RAI14: variants seen among roughly 807,000 people sequenced by gnomAD.
RAI14 encodes retinoic acid induced 14.
Under a neutral mutation model 115.4 loss-of-function variants are expected in RAI14, and 45 were observed. That is an observed-to-expected ratio of 0.39 (90% CI 0.31 to 0.50). The LOEUF (loss-of-function observed/expected upper bound fraction) is 0.50, where lower values mean the gene tolerates loss of function less well. Ranked by LOEUF, RAI14 falls within the 20% of genes least tolerant of loss-of-function variation. The probability of loss-of-function intolerance (pLI) is 0.85; values close to 1 mark genes in which losing one functional copy is unlikely to be tolerated. For synonymous variants in RAI14, 371 were observed against 415.4 expected (o/e 0.89, Z 1.30); for missense variants, 939 against 1,131.2 (o/e 0.83, Z 2.44).
chr5:34,712,104 T>A (rs1345784720), intron 2 of RAI14, among the ~76,000 whole-genome samples: 1 of 152,164 alleles, frequency 6.6e-6, no homozygotes, highest in Non-Finnish European at 1.5e-5. Context: ...AAGCCTCTCT[T>A]TATTTGTGTA....
intron 2 of RAI14, among the ~76,000 whole-genome samples, chr5:34,728,042 G>A (rs866931630): frequency 6.6e-5 from 10 of 152,296 alleles, no homozygotes; most frequent in African/African-American, 2.2e-4. Flanking sequence ...TGTGGCCTGG[G>A]TGTGAGACTT....
chr5:34,743,554 T>G (rs573524775), intron 2 of RAI14, among the ~76,000 whole-genome samples: 1 of 152,226 alleles, frequency 6.6e-6, no homozygotes, highest in Non-Finnish European at 1.5e-5. Flanking sequence ...CATGAATGTT[T>G]GGAGGACACT....
At chr5:34,756,874 G>A (rs866516898) in intron 2 of RAI14, among the ~76,000 whole-genome samples, 5 of 152,190 alleles carry the variant, frequency 3.3e-5, no homozygotes, top group African/African-American at 1.2e-4. Context: ...GCTCTTTGAC[G>A]TTTAAGAGCT....
intron 2 of RAI14, among the ~76,000 whole-genome samples, chr5:34,736,802 T>G (rs997458190): frequency 1.2e-4 from 19 of 152,234 alleles, no homozygotes; most frequent in Non-Finnish European, 2.8e-4. Context: ...ATCTTTTCAA[T>G]GTTTGCCATG....
chr5:34,822,250 G>GTATATATATATATATATATATATA (rs376790121), intron 14 of RAI14, among the ~76,000 whole-genome samples: 8 of 134,736 alleles, frequency 5.9e-5, no homozygotes, highest in East Asian at 2.1e-4. Context: ...ATGTGTGTAT[G>GTATATATATATATATATATATATA]TATATATATA....
chr5:34,675,454 C>G (rs1019587254), intron 1 of RAI14, among the ~76,000 whole-genome samples: 1 of 152,140 alleles, frequency 6.6e-6, no homozygotes, highest in African/African-American at 2.4e-5. Context: ...CTGGATGTGT[C>G]TTAGAAATAG....
intron 2 of RAI14, among the ~76,000 whole-genome samples, chr5:34,720,662 G>A (rs995851905): frequency 6.6e-6 from 1 of 151,786 alleles, no homozygotes. Flanking sequence ...TGCCCACCTC[G>A]GCCTCCCAAA....
At chr5:34,736,284 C>T (rs1489484798) in intron 2 of RAI14, among the ~76,000 whole-genome samples, 1 of 152,094 alleles carries the variant, frequency 6.6e-6, no homozygotes, top group Non-Finnish European at 1.5e-5. Flanking sequence ...GCCTGTAATC[C>T]CAGCTACTCA....
chr5:34,722,277 T>C (rs1742859720), intron 2 of RAI14, among the ~76,000 whole-genome samples: 1 of 148,346 alleles, frequency 6.7e-6, no homozygotes, highest in African/African-American at 2.5e-5. Context: ...AGTATCCTTA[T>C]ACAAGGAGAA....
chr5:34,761,297 C>T (rs890263685), intron 3 of RAI14, among the ~76,000 whole-genome samples: 1 of 152,214 alleles, frequency 6.6e-6, no homozygotes, highest in African/African-American at 2.4e-5. Flanking sequence ...AGTGATCCTC[C>T]TGCCTCAGCC....
intron 3 of RAI14, among the ~76,000 whole-genome samples, chr5:34,784,690 A>G (rs1401692788): frequency 6.6e-6 from 1 of 152,228 alleles, no homozygotes; most frequent in African/African-American, 2.4e-5. Context: ...GCTGAGTTGG[A>G]AAAATTAGCA....
chr5:34,704,513 G>A (rs896036345), intron 2 of RAI14, among the ~76,000 whole-genome samples: 2 of 152,144 alleles, frequency 1.3e-5, no homozygotes, highest in African/African-American at 4.8e-5. Context: ...CTTTAAACCC[G>A]CTGACGTTCT....
At chr5:34,665,665 A>G (rs1743149154) in intron 1 of RAI14, among the ~76,000 whole-genome samples, 1 of 151,954 alleles carries the variant, frequency 6.6e-6, no homozygotes, top group Non-Finnish European at 1.5e-5. Context: ...ATAAATTCAT[A>G]ATTTTTATCA....
At chr5:34,697,677 A>G (rs1739437329) in intron 2 of RAI14, among the ~76,000 whole-genome samples, 1 of 152,210 alleles carries the variant, frequency 6.6e-6, no homozygotes, top group Non-Finnish European at 1.5e-5. Context: ...TTCATTGAAA[A>G]GTTTGGGAAT....
Position 34,821,829 on chromosome 5 carries a change from G to A in RAI14, c.1092G>A (p.Lys364=). The A allele has an allele frequency of 6.3e-7, 1 of 1,583,314 alleles. No homozygotes were observed. The highest frequency in any genetic ancestry group is 8.7e-7 in the Non-Finnish European group (1 of 1,153,110). ...TTGCTTCCCTTACCTTACACAATAAGGAGTTACAAGATAAATTACAGGTAT... is the reference window on the plus strand; with the variant it reads ...TTGCTTCCCTTACCTTACACAATAAAGAGTTACAAGATAAATTACAGGTAT... ...AKVASLTLHN[K]ELQDKLQAKS... is the part of the protein sequence containing the mutation. The change falls in exon 14 of 18, where the codon AAG becomes AAA. Residue 364 remains lysine, a synonymous_variant. Coordinates refer to ENST00000265109, the MANE Select transcript of RAI14 (RefSeq NM_015577.3).
rs201883332 is a variant in RAI14 at position 34,759,268 on chromosome 5, G to GA, written c.167+1680dup. Among the ~76,000 whole-genome samples, 605 of 147,868 alleles carry GA rather than the reference G, an allele frequency of 4.1e-3. 2 individuals are homozygous for GA. Among genetic ancestry groups the GA allele is most frequent in the African/African-American group, 0.014 (574 of 40,354 alleles). ...ACAGAGCAAGACTCTGTATCAAAGG[G>GA]AAAAAAAAAAGGTTGAGTGCTACTC... On this transcript the variant is annotated intron_variant, in intron 3 of 17. Coordinates refer to ENST00000265109, the MANE Select transcript of RAI14 (RefSeq NM_015577.3).
intron 2 of RAI14, among the ~76,000 whole-genome samples, chr5:34,739,400 C>G (rs114214301): frequency 3.9e-5 from 6 of 152,134 alleles, no homozygotes; most frequent in Non-Finnish European, 5.9e-5. Context: ...TTTCAAAAGG[C>G]GGGACTGAGA....
At chr5:34,714,911 G>A (rs774947836) in intron 2 of RAI14, among the ~76,000 whole-genome samples, 42 of 152,176 alleles carry the variant, frequency 2.8e-4, no homozygotes, top group African/African-American at 6.0e-4. Context: ...GCAGTTCCTC[G>A]GTCTACCTGC....
chr5:34,795,805 A>C, intron 3 of RAI14, 134 bp from the exon 4 acceptor site: 1 of 545,382 alleles, frequency 1.8e-6, no homozygotes, highest in Non-Finnish European at 3.2e-6. Context: ...AATAATGCCT[A>C]GTCAGTGGGT....
Sources: gnomAD v4.1 joint callset for allele counts (sites outside exome capture counted in the v4.1 genomes callset) on GRCh38, gnomAD v4.1.1 for gene constraint, MANE v1.5 for transcripts, NCBI Gene and HGNC (gene_info 2026-07-23, HGNC 2026-07-21) for gene names.